GRIN2B: variants seen among roughly 807,000 people sequenced by gnomAD.
GRIN2B encodes the protein glutamate ionotropic receptor NMDA type subunit 2B.
A neutral mutation model predicts 114.5 loss-of-function variants in GRIN2B; 5 were observed. The ratio of observed to expected loss-of-function variants is 0.04; its 90% confidence interval spans 0.02 to 0.09. The LOEUF (loss-of-function observed/expected upper bound fraction) is 0.09. GRIN2B is among the 10% of genes least tolerant of loss of function. GRIN2B has a pLI of 1.00. For synonymous variants in GRIN2B, 787 were observed against 745.1 expected (o/e 1.06, Z -0.92); for missense variants, 1,108 against 1,943.5 (o/e 0.57, Z 8.08).
chr12:13,627,244 A>C (rs1949577718), intron 5 of GRIN2B, among the ~76,000 whole-genome samples: 1 of 152,156 alleles, frequency 6.6e-6, no homozygotes, highest in African/African-American at 2.4e-5. Flanking sequence ...GGGCTCAACC[A>C]CATTCCCATT....
intron 3 of GRIN2B, among the ~76,000 whole-genome samples, chr12:13,773,154 C>T (rs182962697): frequency 7.2e-5 from 11 of 152,132 alleles, no homozygotes; most frequent in Non-Finnish European, 1.3e-4. Flanking sequence ...ATGTACTTGG[C>T]AAGTTCCTAC....
intron 5 of GRIN2B, among the ~76,000 whole-genome samples, chr12:13,672,559 C>T (rs1950032769): frequency 6.6e-6 from 1 of 152,114 alleles, no homozygotes; most frequent in Non-Finnish European, 1.5e-5. Context: ...CCAGCCATTC[C>T]CTGGAGCCAC....
intron 3 of GRIN2B, among the ~76,000 whole-genome samples, chr12:13,761,219 C>G (rs936403717): frequency 1.3e-5 from 2 of 152,188 alleles, no homozygotes; most frequent in African/African-American, 4.8e-5. Context: ...TCCGCAGAAG[C>G]CAGCATTCTT....
At chr12:13,594,036 G>A (rs1949041685) in intron 10 of GRIN2B, among the ~76,000 whole-genome samples, 1 of 152,220 alleles carries the variant, frequency 6.6e-6, no homozygotes, top group Non-Finnish European at 1.5e-5. Context: ...AGATGCTGGA[G>A]AGGATGTGGA....
At position 13,538,978 on chromosome 12, in the gene GRIN2B, T is replaced by G. The variant is rs777819482; in HGVS notation, c.*23805A>C. ...CAGATTATTGTTAAAGCAGTTCTGT[T>G]GTCCAAAAAAAATTTGGGGTTTAAG... On this transcript the variant is annotated 3_prime_UTR_variant, in exon 14 of 14. Coordinates refer to ENST00000609686, the MANE Select transcript of GRIN2B (RefSeq NM_000834.5). The G allele has an allele frequency of 1.3e-4, 20 of 152,014 alleles. No homozygotes were observed. The highest frequency in any genetic ancestry group is 2.9e-5 in the Non-Finnish European group (2 of 67,978). 9.4% of individuals were successfully genotyped at this position (152,014 alleles called of 1,614,324 possible). A position where few individuals can be genotyped will look rare whatever the true frequency, so the allele number is the denominator to read the frequency against.
chr12:13,943,208 ATCT>A (rs1005864952), intron 2 of GRIN2B, among the ~76,000 whole-genome samples: 2 of 152,126 alleles, frequency 1.3e-5, no homozygotes, highest in African/African-American at 4.8e-5. Context: ...CCATAGGTGG[ATCT>A]TCTTATTACT....
intron 4 of GRIN2B, among the ~76,000 whole-genome samples, chr12:13,676,897 T>C (rs1950079890): frequency 6.6e-6 from 1 of 152,006 alleles, no homozygotes; most frequent in East Asian, 1.9e-4. Flanking sequence ...TTTCACAGAG[T>C]GCTCTGGTTA....
intron 3 of GRIN2B, among the ~76,000 whole-genome samples, chr12:13,768,762 C>T (rs775704772): frequency 9.9e-5 from 15 of 152,194 alleles, no homozygotes; most frequent in Non-Finnish European, 1.5e-4. Flanking sequence ...GTGGCCGGCA[C>T]GGTGGCTCAC....
At chr12:13,628,145 T>C (rs1291998948) in intron 5 of GRIN2B, among the ~76,000 whole-genome samples, 6 of 152,226 alleles carry the variant, frequency 3.9e-5, no homozygotes, top group Admixed American at 3.3e-4. Flanking sequence ...TAATAAATGA[T>C]GCTGATCTAG....
intron 3 of GRIN2B, among the ~76,000 whole-genome samples, chr12:13,803,568 CTA>C (rs1190500965): frequency 2.0e-5 from 3 of 152,116 alleles, no homozygotes; most frequent in Non-Finnish European, 4.4e-5. Context: ...TTTTAAAAAT[CTA>C]TGCTACTATA....
intron 2 of GRIN2B, among the ~76,000 whole-genome samples, chr12:13,884,731 G>T (rs1460820568): frequency 6.6e-6 from 1 of 151,894 alleles, no homozygotes; most frequent in Non-Finnish European, 1.5e-5. Context: ...TTACCTGTAG[G>T]GTTTTCATAC....
chr12:13,859,636 C>G (rs971509684), intron 3 of GRIN2B, among the ~76,000 whole-genome samples: 4 of 152,100 alleles, frequency 2.6e-5, no homozygotes, highest in Non-Finnish European at 5.9e-5. Flanking sequence ...ATCGTATGCA[C>G]TGGGAAAAAG....
intron 10 of GRIN2B, among the ~76,000 whole-genome samples, chr12:13,583,463 A>G (rs1250148692): frequency 6.6e-6 from 1 of 152,214 alleles, no homozygotes; most frequent in Non-Finnish European, 1.5e-5. Flanking sequence ...CAAATGCAGG[A>G]TACTCATATT....
intron 4 of GRIN2B, among the ~76,000 whole-genome samples, chr12:13,744,121 A>G (rs73053617): frequency 2.2e-4 from 33 of 152,340 alleles, no homozygotes; most frequent in Non-Finnish European, 4.0e-4. Context: ...ATATTTAGCG[A>G]CCATCCTTAC....
chr12:13,567,653 G>A (rs972607942), intron 12 of GRIN2B, among the ~76,000 whole-genome samples: 3 of 152,100 alleles, frequency 2.0e-5, no homozygotes, highest in South Asian at 2.1e-4. Flanking sequence ...GTGGGTTTTC[G>A]TGAAGTAAGT....
Position 13,973,466 on chromosome 12 carries a change from C to T in GRIN2B, c.-19+6462G>A, listed in dbSNP as rs116892035. Among the ~76,000 whole-genome samples, 454 of 152,278 alleles carry T rather than the reference C, an allele frequency of 3.0e-3. 2 individuals are homozygous for T. Among genetic ancestry groups the T allele is most frequent in the African/African-American group, 9.3e-3 (387 of 41,554 alleles). ...GGAAGCTCCTCTACTACAGACTTTA[C>T]GCTCCCCATCAAGCTGGGCTCCAAG... On this transcript the variant is annotated intron_variant, in intron 2 of 13. Transcript: ENST00000609686.
chr12:13,570,873 C>T lies in GRIN2B; in HGVS notation c.2172-856G>A, dbSNP rs574258119. 5.3e-5 allele frequency among the ~76,000 whole-genome samples: 8 copies of T among 152,268 alleles called. No homozygotes were observed. In the East Asian group the frequency reaches 7.7e-4, roughly 15 times the overall value. On this transcript the variant is annotated intron_variant, in intron 11 of 13. Transcript: ENST00000609686. ...TTCCCTTCATTTTTATTAGTTAAGT[C>T]ACCTTGTTAGGTACCCGATAGAAAG... is the stretch of plus-strand genomic sequence containing the variant.
chr12:13,563,128 C>T lies in GRIN2B; in HGVS notation c.4110G>A (p.Gly1370=), dbSNP rs1948571562. The T allele has an allele frequency of 2.5e-6, 4 of 1,614,154 alleles. No homozygotes were observed. The highest frequency in any genetic ancestry group is 2.2e-5 in the East Asian group (1 of 44,876). ...GGTAGAGCGACTTGCTGAGCATGTA[C>T]CCGCCGCCGGGGTTGTTGTGGTGGT... ...GHHHHNNPGG[G]YMLSKSLYPD... The change falls in exon 14 of 14, where the codon GGG becomes GGA. Residue 1370 remains glycine, a synonymous_variant. Coordinates refer to ENST00000609686, the MANE Select transcript of GRIN2B (RefSeq NM_000834.5).
intron 4 of GRIN2B, among the ~76,000 whole-genome samples, chr12:13,685,602 G>A (rs1950169402): frequency 6.6e-6 from 1 of 152,130 alleles, no homozygotes; most frequent in Non-Finnish European, 1.5e-5. Context: ...GTCTTTAGGG[G>A]AGACAGGCAT....
Sources: gnomAD v4.1 joint callset for allele counts (sites outside exome capture counted in the v4.1 genomes callset) on GRCh38, gnomAD v4.1.1 for gene constraint, MANE v1.5 for transcripts, NCBI Gene and HGNC (gene_info 2026-07-23, HGNC 2026-07-21) for gene names.